The following DNAJC13 variants were observed in gnomAD, a reference collection of about 807,000 sequenced individuals.
DNAJC13 encodes dnaJ homolog subfamily C member 13.
In DNAJC13, 75 loss-of-function variants were observed where a neutral mutation model predicts 290.5. The observed-to-expected ratio is 0.26, with a 90% confidence interval of 0.21 to 0.31. The LOEUF is 0.31. DNAJC13 is among the 10% of genes least tolerant of loss of function. The pLI is 1.00. For missense variants in DNAJC13, 2,260 were observed against 2,674.5 expected (o/e 0.85, Z 3.42); for synonymous variants, 862 against 892.0 (o/e 0.97, Z 0.60).
At chr3:132,482,667 G>A (rs1393858656) in intron 27 of DNAJC13, among the ~76,000 whole-genome samples, 1 of 151,868 alleles carries the variant, frequency 6.6e-6, no homozygotes, top group Non-Finnish European at 1.5e-5. Flanking sequence ...AGACCAGCCT[G>A]GGCAACATAG....
chr3:132,476,489 A>G (rs1934478392), intron 22 of DNAJC13, among the ~76,000 whole-genome samples: 1 of 152,178 alleles, frequency 6.6e-6, no homozygotes, highest in East Asian at 1.9e-4. Context: ...TCTGTTATCA[A>G]CATTGGAGGG....
At chr3:132,450,164 G>A (rs906344960) in intron 5 of DNAJC13, among the ~76,000 whole-genome samples, 1 of 147,554 alleles carries the variant, frequency 6.8e-6, no homozygotes, top group Admixed American at 6.7e-5. Context: ...TTTTTTTTTT[G>A]TATGTGGAAA....
At position 132,451,543 on chromosome 3, in the gene DNAJC13, A is replaced by AT. The variant is rs960630308; in HGVS notation, c.537+705dup. Among the ~76,000 whole-genome samples, 63 of 151,456 alleles carry AT rather than the reference A, an allele frequency of 4.2e-4. No individual in the cohort carries two copies. In the East Asian group the frequency reaches 5.0e-3, roughly 12 times the overall value. On this transcript the variant is annotated intron_variant, in intron 6 of 55. Coordinates refer to ENST00000260818, the MANE Select transcript of DNAJC13 (RefSeq NM_015268.4). ...AATAGAAGCTGAAGTATATATAACTATTTTTTTTTAAGATACATCCTGCCT... is the reference window on the plus strand; with the variant it reads ...AATAGAAGCTGAAGTATATATAACTATTTTTTTTTTAAGATACATCCTGCCT...
Position 132,516,721 on chromosome 3 carries a change from C to G in DNAJC13, c.5578C>G (p.Leu1860Val), listed in dbSNP as rs770724078. ...AMAKGALIYL[L>V]DMFCNSTHPQ... ...CTTCATAGGTGCTTTGATCTATTTACTGGATATGTTCTGCAATTCAACACA... is the reference window on the plus strand; with the variant it reads ...CTTCATAGGTGCTTTGATCTATTTAGTGGATATGTTCTGCAATTCAACACA... Residue 1860 changes from leucine (L) to valine (V), a missense_variant, in exon 48 of 56, where the codon CTG becomes GTG. By Grantham distance (32) the Leu-to-Val change is conservative. Around this residue, in one of 3 missense-constraint regions of DNAJC13, gnomAD observed 1,494 missense variants for 1,693.7 expected, o/e 0.88. Coordinates refer to ENST00000260818, the MANE Select transcript of DNAJC13 (RefSeq NM_015268.4). 3.7e-6 allele frequency: 6 copies of G among 1,612,536 alleles called. No homozygotes were observed. In the Admixed American group the frequency reaches 1.0e-4, roughly 27 times the overall value.
chr3:132,424,229 GGT>G (rs1485926252), intron 1 of DNAJC13, among the ~76,000 whole-genome samples: 1 of 152,014 alleles, frequency 6.6e-6, no homozygotes, highest in East Asian at 1.9e-4. Flanking sequence ...GAAAGGGAAG[GGT>G]CATAGTAATA....
intron 55 of DNAJC13, among the ~76,000 whole-genome samples, chr3:132,532,188 G>A (rs1240080922): frequency 1.3e-5 from 2 of 152,090 alleles, no homozygotes; most frequent in Admixed American, 6.5e-5. Flanking sequence ...GATAAACTAA[G>A]AGAAAAAATT....
At chr3:132,487,733 C>T (rs1934928148) in intron 29 of DNAJC13, among the ~76,000 whole-genome samples, 2 of 151,726 alleles carry the variant, frequency 1.3e-5, no homozygotes, top group African/African-American at 4.9e-5. Context: ...TTAATTAGCC[C>T]AGATTTATTA....
chr3:132,477,518 G>A (rs1038502833), intron 22 of DNAJC13, among the ~76,000 whole-genome samples: 3 of 152,084 alleles, frequency 2.0e-5, no homozygotes, highest in Non-Finnish European at 2.9e-5. Flanking sequence ...GCTTTTTTAC[G>A]GCAAACCCAG....
chr3:132,463,113 T>G (rs1933858779), intron 16 of DNAJC13, among the ~76,000 whole-genome samples: 1 of 152,222 alleles, frequency 6.6e-6, no homozygotes, highest in African/African-American at 2.4e-5. Flanking sequence ...TTGTATTTTG[T>G]TGTCATAGAA....
intron 2 of DNAJC13, among the ~76,000 whole-genome samples, chr3:132,437,245 T>C (rs1401630685): frequency 6.6e-6 from 1 of 152,244 alleles, no homozygotes. Flanking sequence ...TTATATATTC[T>C]GAATAAAAGT....
intron 26 of DNAJC13, 44 bp downstream of exon 26, chr3:132,480,514 G>C (rs1934632743): frequency 7.0e-7 from 1 of 1,428,668 alleles, no homozygotes; most frequent in Non-Finnish European, 9.8e-7. Flanking sequence ...CGTTCTTTGA[G>C]TATAATTTTA....
chr3:132,472,049 G>C (rs567879467), intron 20 of DNAJC13, among the ~76,000 whole-genome samples: 4 of 150,106 alleles, frequency 2.7e-5, no homozygotes, highest in Admixed American at 1.3e-4. Context: ...GCTGGAGACC[G>C]GCCCGGCCAA....
chr3:132,432,476 A>G (rs1939266993), intron 1 of DNAJC13, among the ~76,000 whole-genome samples: 1 of 152,178 alleles, frequency 6.6e-6, no homozygotes, highest in Non-Finnish European at 1.5e-5. Flanking sequence ...AAATGCTAGG[A>G]TTACAGGCAT....
At chr3:132,522,684 C>T in intron 48 of DNAJC13, 144 bp from the exon 49 acceptor site, 2 of 647,646 alleles carry the variant, frequency 3.1e-6, no homozygotes, top group East Asian at 3.0e-5. Context: ...ATCTTTTTCA[C>T]TCCAGAACTT....
intron 47 of DNAJC13, 75 bp from the exon 48 acceptor site, chr3:132,516,629 A>C: frequency 6.5e-7 from 1 of 1,528,772 alleles, no homozygotes; most frequent in Non-Finnish European, 8.9e-7. Flanking sequence ...CATTCAGTTG[A>C]AATATGGTTG....
rs1935197564 is a variant in DNAJC13 at position 132,495,177 on chromosome 3, C to T, written c.4020+11C>T. ...AATCCAGAAGGGAGGGTATGTACTG[C>T]TGTTGGAATTCAGGCATTGGGCTTC... On this transcript the variant is annotated intron_variant, in intron 35 of 55. Transcript: ENST00000260818. The T allele has an allele frequency of 3.7e-6, 6 of 1,608,846 alleles. No individual in the cohort carries two copies. Among genetic ancestry groups the T allele is most frequent in the Non-Finnish European group, 5.1e-6 (6 of 1,175,774 alleles).
At chr3:132,471,245 T>C (rs1158864179) in intron 20 of DNAJC13, among the ~76,000 whole-genome samples, 1 of 132,582 alleles carries the variant, frequency 7.5e-6, no homozygotes, top group Non-Finnish European at 1.6e-5. Context: ...GGCGGGGGGC[T>C]GACCCCCCCA....
Position 132,453,300 on chromosome 3 carries a change from T to C in DNAJC13, c.540T>C (p.His180=). 1 of 1,612,696 alleles carries C rather than the reference T, an allele frequency of 6.2e-7. No individual in the cohort carries two copies. The highest frequency in any genetic ancestry group is 8.5e-7 in the Non-Finnish European group (1 of 1,179,480). Residue 180 remains histidine, a splice_region_variant and synonymous_variant, in exon 7 of 56, where the codon CAT becomes CAC. Coordinates refer to ENST00000260818, the MANE Select transcript of DNAJC13 (RefSeq NM_015268.4). The stretch of plus-strand genomic sequence containing the variant: ...TTTAAATTTCTAAATTTGTGCAGCA[T>C]TTATTTGCGTCAGAGCAAAGAGAAG... ...CILYGGFSRL[H]LFASEQREEI...
chr3:132,466,272 T>C (rs2107678272), intron 18 of DNAJC13, 27 bp from the exon 19 acceptor site: 1 of 1,565,762 alleles, frequency 6.4e-7, no homozygotes, highest in East Asian at 2.2e-5. Flanking sequence ...TTTCACATTG[T>C]TTTGAAAATG....
Sources: allele counts gnomAD v4.1 joint callset (sites outside exome capture counted in the v4.1 genomes callset), GRCh38; gene constraint gnomAD v4.1.1; regional missense constraint gnomAD v4.1.1; transcripts MANE v1.5; gene names NCBI Gene and HGNC (gene_info 2026-07-23, HGNC 2026-07-21).